USP15: variants seen among roughly 807,000 people sequenced by gnomAD.
The protein encoded by USP15 is ubiquitin carboxyl-terminal hydrolase 15.
In USP15, 18 loss-of-function variants were observed where a neutral mutation model predicts 127.1. The observed-to-expected ratio is 0.14, with a 90% CI of 0.10 to 0.21. USP15 has a LOEUF of 0.21. USP15 is among the 10% of genes least tolerant of loss of function. The pLI, the probability that USP15 is intolerant of heterozygous loss-of-function variation, is 1.00. For missense variants in USP15, 805 were observed against 1,159.9 expected (o/e 0.69, Z 4.44); for synonymous variants, 364 against 393.7 (o/e 0.92, Z 0.89).
rs2067351835 is a variant in USP15 at position 62,392,364 on chromosome 12, A to G, written c.2397A>G (p.Glu799=). The change falls in exon 18 of 22, where the codon GAA becomes GAG. Residue 799 remains glutamate, a synonymous_variant. Transcript: ENST00000280377. ...KDCIELFTTK[E]KLGAEDPWYC... ...GCATTGAACTTTTTACAACAAAAGA[A>G]AAGCTAGGTGCTGAAGATCCCTGGT... 6.2e-7 allele frequency: 1 copy of G among 1,601,804 alleles called. No individual in the cohort carries two copies. Among genetic ancestry groups the G allele is most frequent in the African/African-American group, 1.3e-5 (1 of 74,134 alleles).
intron 8 of USP15, among the ~76,000 whole-genome samples, chr12:62,367,286 C>T (rs914996410): frequency 6.6e-6 from 1 of 152,032 alleles, no homozygotes; most frequent in South Asian, 2.1e-4. Flanking sequence ...GGCTGGAGTG[C>T]AGTGGCGTGA....
intron 5 of USP15, among the ~76,000 whole-genome samples, chr12:62,322,935 T>C (rs1324115487): frequency 6.6e-6 from 1 of 152,200 alleles, no homozygotes; most frequent in African/African-American, 2.4e-5. Flanking sequence ...TGCCTGATGA[T>C]GTAAACGTCT....
At chr12:62,345,754 G>T (rs1032538272) in intron 6 of USP15, among the ~76,000 whole-genome samples, 320 of 152,112 alleles carry the variant, frequency 2.1e-3, no homozygotes, top group Non-Finnish European at 4.2e-3. Context: ...GGGTGGGGGG[G>T]CCTCACAATC....
intron 17 of USP15, 147 bp from the exon 18 acceptor site, chr12:62,392,125 T>A: frequency 1.5e-6 from 1 of 684,522 alleles, no homozygotes; most frequent in Non-Finnish European, 2.5e-6. Context: ...AGGAATTATT[T>A]AGAAGTATAT....
At chr12:62,288,344 CTTTT>C (rs34110065) in intron 1 of USP15, among the ~76,000 whole-genome samples, 1 of 114,452 alleles carries the variant, frequency 8.7e-6, no homozygotes, top group Non-Finnish European at 1.7e-5. Flanking sequence ...TGGCATTTTA[CTTTT>C]TTTTTTTTTT....
intron 8 of USP15, among the ~76,000 whole-genome samples, chr12:62,374,833 A>G (rs1340368294): frequency 6.6e-6 from 1 of 152,156 alleles, no homozygotes; most frequent in African/African-American, 2.4e-5. Context: ...GCATGTGTAT[A>G]TAAAGAAAAG....
At chr12:62,284,349 A>G (rs2063733198) in intron 1 of USP15, among the ~76,000 whole-genome samples, 1 of 152,194 alleles carries the variant, frequency 6.6e-6, no homozygotes, top group Non-Finnish European at 1.5e-5. Flanking sequence ...TAGTCCCTCA[A>G]TTCTTTTCTC....
intron 1 of USP15, among the ~76,000 whole-genome samples, chr12:62,270,025 A>G (rs2063310133): frequency 6.6e-6 from 1 of 151,392 alleles, no homozygotes; most frequent in African/African-American, 2.4e-5. Flanking sequence ...CAGTTTTTTC[A>G]CCTCGTCAGC....
At chr12:62,362,989 A>G (rs1237513663) in intron 8 of USP15, among the ~76,000 whole-genome samples, 1 of 152,182 alleles carries the variant, frequency 6.6e-6, no homozygotes, top group Non-Finnish European at 1.5e-5. Context: ...AAGTTTGAGG[A>G]ATCAGAAGTG....
chr12:62,313,078 A>C lies in USP15; in HGVS notation c.349-1712A>C, dbSNP rs1050609127. Among the ~76,000 whole-genome samples the C allele has an allele frequency of 4.6e-5, 7 of 150,734 alleles. No homozygotes were observed. In the South Asian group the frequency reaches 6.2e-4, roughly 13 times the overall value. On this transcript the variant is annotated intron_variant, in intron 3 of 21. Coordinates refer to ENST00000280377, the MANE Select transcript of USP15 (RefSeq NM_001252078.2). ...GAATTAGTAAAATAAATATCTTATA[A>C]ATATAGTAGCAGTTTTCTGAGTAGT...
intron 8 of USP15, among the ~76,000 whole-genome samples, chr12:62,370,223 G>A (rs1362263808): frequency 6.6e-6 from 1 of 152,026 alleles, no homozygotes; most frequent in African/African-American, 2.4e-5. Context: ...GAGCCACCAC[G>A]CCTGGCCTTG....
At chr12:62,324,896 G>C (rs1180482715) in intron 5 of USP15, among the ~76,000 whole-genome samples, 1 of 151,854 alleles carries the variant, frequency 6.6e-6, no homozygotes, top group Non-Finnish European at 1.5e-5. Flanking sequence ...ATATTACTAA[G>C]TGCATGTAGA....
At chr12:62,267,881 C>A (rs924868985) in intron 1 of USP15, among the ~76,000 whole-genome samples, 3 of 152,088 alleles carry the variant, frequency 2.0e-5, no homozygotes, top group Admixed American at 1.3e-4. Context: ...GGATTGATTT[C>A]TGTTATTTAC....
At chr12:62,298,139 G>A (rs1431298209) in intron 2 of USP15, among the ~76,000 whole-genome samples, 2 of 152,160 alleles carry the variant, frequency 1.3e-5, no homozygotes, top group African/African-American at 4.8e-5. Flanking sequence ...GGAAGTCCAA[G>A]TGACTTCTGG....
Position 62,310,577 on chromosome 12 carries a change from C to T in USP15, c.349-4213C>T, listed in dbSNP as rs183501651. 1.4e-3 allele frequency among the ~76,000 whole-genome samples: 217 copies of T among 151,932 alleles called. 1 individual carries two copies. The highest frequency in any genetic ancestry group is 4.9e-3 in the African/African-American group (204 of 41,484). Reference sequence around the variant, plus strand: ...GACATGATTTCATTCTTTGTAATGGCGGAATAGTACTCCATTGTTTATATA... The same window carrying T: ...GACATGATTTCATTCTTTGTAATGGTGGAATAGTACTCCATTGTTTATATA... On this transcript the variant is annotated intron_variant, in intron 3 of 21. Transcript: ENST00000280377.
At chr12:62,376,404 C>T (rs2137545905) in intron 8 of USP15, among the ~76,000 whole-genome samples, 1 of 152,058 alleles carries the variant, frequency 6.6e-6, no homozygotes, top group African/African-American at 2.4e-5. Flanking sequence ...ATGATATAAA[C>T]AAAAATGTGG....
At chr12:62,345,803 G>T (rs1187101375) in intron 6 of USP15, among the ~76,000 whole-genome samples, 2 of 152,122 alleles carry the variant, frequency 1.3e-5, no homozygotes, top group Admixed American at 1.3e-4. Flanking sequence ...TGTCTTACAT[G>T]GATGGTGGCA....
intron 1 of USP15, among the ~76,000 whole-genome samples, chr12:62,292,052 C>G (rs542675056): frequency 6.7e-6 from 1 of 148,620 alleles, no homozygotes; most frequent in South Asian, 2.1e-4. Context: ...TGATGACTGG[C>G]AGAGGCACCA....
At chr12:62,292,704 CA>C (rs770041269) in intron 1 of USP15, among the ~76,000 whole-genome samples, 3 of 152,124 alleles carry the variant, frequency 2.0e-5, no homozygotes, top group Non-Finnish European at 4.4e-5. Context: ...CAGGAGCAGG[CA>C]TTCACTTGCA....
Sources: gnomAD v4.1 joint callset for allele counts (sites outside exome capture counted in the v4.1 genomes callset) on GRCh38, gnomAD v4.1.1 for gene constraint, MANE v1.5 for transcripts, NCBI Gene and HGNC (gene_info 2026-07-23, HGNC 2026-07-21) for gene names.